Variants in GREB1 observed in about 807,000 individuals in gnomAD.
The protein encoded by GREB1 is growth regulating estrogen receptor binding 1.
A neutral mutation model predicts 200.7 loss-of-function variants in GREB1; 106 were observed. The ratio of observed to expected loss-of-function variants is 0.53; its 90% CI spans 0.45 to 0.62. The LOEUF is 0.62. GREB1 is among the 20% of genes least tolerant of loss of function. The probability of loss-of-function intolerance (pLI) is 0.00; values close to 1 mark genes in which losing one functional copy is unlikely to be tolerated. For missense variants in GREB1, 2,243 were observed against 2,556.8 expected, an observed-to-expected ratio of 0.88 and a Z score of 2.65; for synonymous variants, 1,132 against 1,092.4, an observed-to-expected ratio of 1.04 and a Z score of -0.72.
At chr2:11,547,324 G>C (rs183458456) in intron 1 of GREB1, among the ~76,000 whole-genome samples, 13 of 152,356 alleles carry the variant, frequency 8.5e-5, no homozygotes, top group Admixed American at 7.8e-4. Flanking sequence ...CCAGGCACTA[G>C]CTGTGTGTCT....
chr2:11,520,786 C>T lies in GREB1; in HGVS notation c.-158-35671C>T, dbSNP rs182388991. On this transcript the variant is annotated intron_variant, in intron 1 of 2. Coordinates refer to the GREB1 transcript ENST00000628795. ...CATCTGAATCACATCTGCAAAGTGC[C>T]ATTTCCCACTAAGGTCACATATTGA... Among the ~76,000 whole-genome samples, 282 of 152,304 alleles carry T rather than the reference C, an allele frequency of 1.9e-3. 1 individual carries two copies. The highest frequency in any genetic ancestry group is 2.6e-3 in the Non-Finnish European group (178 of 68,038).
intron 4 of GREB1, among the ~76,000 whole-genome samples, chr2:11,569,462 G>A (rs781185829): frequency 9.9e-5 from 15 of 152,152 alleles, no homozygotes; most frequent in Non-Finnish European, 5.9e-5. Flanking sequence ...GCAATCGGAG[G>A]AGCACACCGG....
chr2:11,543,165 A>AG (rs1674928450), intron 1 of GREB1, among the ~76,000 whole-genome samples: 1 of 152,282 alleles, frequency 6.6e-6, no homozygotes, highest in African/African-American at 2.4e-5. Context: ...AGCTGGCAGA[A>AG]GGGGGGATAA....
In GREB1 at chr2:11,556,435, TC is replaced by T; in HGVS notation, c.-161-17del. 1.9e-6 allele frequency: 1 copy of T among 519,284 alleles called. No homozygotes were observed. Among genetic ancestry groups the T allele is most frequent in the Non-Finnish European group, 3.4e-6 (1 of 295,396 alleles). The allele number at this position is 519,284 out of a possible 1,614,324, so 32.2% of individuals were successfully genotyped here. A position where few individuals can be genotyped will look rare whatever the true frequency, so the allele number is the denominator to read the frequency against. ...AGAGAAAGCTGTTACTTATATAACT[TC>T]CTGTAATTGCCCGGCAGTAGCTGCA... On this transcript the variant is annotated intron_variant, in intron 1 of 32. Coordinates refer to ENST00000381486, the MANE Select transcript of GREB1 (RefSeq NM_014668.4).
At chr2:11,550,780 T>A (rs1324731275) in intron 1 of GREB1, among the ~76,000 whole-genome samples, 1 of 152,220 alleles carries the variant, frequency 6.6e-6, no homozygotes, top group East Asian at 1.9e-4. Flanking sequence ...CTCTCCTGTC[T>A]CTTTGTCTTT....
intron 26 of GREB1, among the ~76,000 whole-genome samples, chr2:11,631,691 G>T (rs993354756): frequency 6.6e-6 from 1 of 152,208 alleles, no homozygotes; most frequent in Non-Finnish European, 1.5e-5. Context: ...TTCTGAGAGG[G>T]TGTGGAACAT....
At chr2:11,614,258 C>G (rs1683195535) in intron 19 of GREB1, among the ~76,000 whole-genome samples, 1 of 151,756 alleles carries the variant, frequency 6.6e-6, no homozygotes, top group Non-Finnish European at 1.5e-5. Context: ...TCCCGAGGAG[C>G]TGGGATTATA....
At chr2:11,483,038 C>G (rs965415161) in intron 1 of GREB1, among the ~76,000 whole-genome samples, 2 of 151,562 alleles carry the variant, frequency 1.3e-5, no homozygotes, top group Non-Finnish European at 3.0e-5. Context: ...GGGGCGGGCA[C>G]TCGGCGCCCG....
chr2:11,563,723 G>T (rs192490977), intron 3 of GREB1, among the ~76,000 whole-genome samples: 1 of 152,312 alleles, frequency 6.6e-6, no homozygotes, highest in Admixed American at 6.5e-5. Context: ...AATATTTCTG[G>T]AATGCCTACT....
chr2:11,531,399 T>G (rs896834523), upstream of GREB1, among the ~76,000 whole-genome samples: 1 of 152,064 alleles, frequency 6.6e-6, no homozygotes, highest in Non-Finnish European at 1.5e-5. Context: ...TACAGAGAGA[T>G]TCAAGCTTGA....
At chr2:11,588,693 G>C in intron 9 of GREB1, 53 bp from the exon 10 acceptor site, 1 of 1,515,362 alleles carries the variant, frequency 6.6e-7, no homozygotes. Flanking sequence ...ACATGTATGG[G>C]ACCGTAAGCT....
chr2:11,493,571 C>T lies in GREB1; in HGVS notation c.-159+11190C>T, dbSNP rs1281450949. Among the ~76,000 whole-genome samples, 2 of 152,210 alleles carry T rather than the reference C, an allele frequency of 1.3e-5. No homozygotes were observed. The highest frequency in any genetic ancestry group is 4.8e-5 in the African/African-American group (2 of 41,450). ...GCCTGCTTCCTAACAGGCCATGGAC[C>T]AGTACCAGTCTGTGGCCCGGGGACT... On this transcript the variant is annotated intron_variant, in intron 1 of 2. Coordinates refer to the GREB1 transcript ENST00000628795. This position sits in a 1 kb window ranked among gnomAD's most constrained non-coding sequence, Gnocchi z 4.6.
intron 1 of GREB1, among the ~76,000 whole-genome samples, chr2:11,525,243 G>A (rs186742923): frequency 4.3e-4 from 65 of 152,250 alleles, no homozygotes; most frequent in Non-Finnish European, 7.9e-4. Flanking sequence ...GGTGGCTCAC[G>A]CCTGTAATCT....
At chr2:11,579,500 C>G (rs1333161159) in intron 6 of GREB1, among the ~76,000 whole-genome samples, 1 of 152,220 alleles carries the variant, frequency 6.6e-6, no homozygotes, top group Non-Finnish European at 1.5e-5. Flanking sequence ...AGGCACTGTT[C>G]CAGGCACTTT....
rs1572807018 is a variant in GREB1 at position 11,583,354 on chromosome 2, C to T, written c.902-1807C>T. 1.3e-5 allele frequency among the ~76,000 whole-genome samples: 2 copies of T among 152,306 alleles called. 1 individual carries two copies. ...TGTTTGCAGAGTCTAAGGCCTCATCCCTGCAAACAGGAAGGAGGAAAGCAG... is the reference window on the plus strand; with the variant it reads ...TGTTTGCAGAGTCTAAGGCCTCATCTCTGCAAACAGGAAGGAGGAAAGCAG... On this transcript the variant is annotated intron_variant, in intron 7 of 32. Coordinates refer to ENST00000381486, the MANE Select transcript of GREB1 (RefSeq NM_014668.4).
intron 17 of GREB1, among the ~76,000 whole-genome samples, chr2:11,602,938 T>A (rs1681917537): frequency 6.6e-6 from 1 of 152,238 alleles, no homozygotes. Context: ...TGCCGTTCAC[T>A]CTTCCATGGA....
At chr2:11,634,027 G>A in intron 28 of GREB1, 104 bp from the exon 29 acceptor site, 2 of 1,080,286 alleles carry the variant, frequency 1.9e-6, no homozygotes, top group East Asian at 2.4e-5. Context: ...GGCCCGTCCA[G>A]GTGTTCACGG....
At chr2:11,612,988 T>C (rs1012405142) in intron 19 of GREB1, among the ~76,000 whole-genome samples, 5 of 152,024 alleles carry the variant, frequency 3.3e-5, no homozygotes, top group Admixed American at 6.5e-5. Flanking sequence ...TCTCCAGGAG[T>C]TGCAGCCACA....
chr2:11,559,970 C>T (rs1024142890), intron 2 of GREB1, among the ~76,000 whole-genome samples: 6 of 152,208 alleles, frequency 3.9e-5, no homozygotes, highest in Non-Finnish European at 8.8e-5. Flanking sequence ...CTGCTGGAAA[C>T]GTTCAGCTTC....
Sources: allele counts gnomAD v4.1 joint callset (sites outside exome capture counted in the v4.1 genomes callset), GRCh38; gene constraint gnomAD v4.1.1; non-coding constraint Gnocchi (gnomAD v3.1); transcripts MANE v1.5; gene names NCBI Gene and HGNC (gene_info 2026-07-23, HGNC 2026-07-21).